TAPT1: variants seen among roughly 807,000 people sequenced by gnomAD.
TAPT1 encodes transmembrane anterior posterior transformation protein 1 homolog.
A neutral mutation model predicts 65.6 loss-of-function variants in TAPT1; 28 were observed. That is an observed-to-expected ratio of 0.43 (90% CI 0.32 to 0.59). The LOEUF (loss-of-function observed/expected upper bound fraction) is 0.59, where lower values mean the gene tolerates loss of function less well. Ranked by LOEUF, TAPT1 falls within the 20% of genes least tolerant of loss-of-function variation. TAPT1 has a pLI of 0.09. For missense variants in TAPT1, 563 were observed against 679.9 expected (o/e 0.83, Z 1.91); for synonymous variants, 278 against 245.2 (o/e 1.13, Z -1.25).
At position 16,182,435 on chromosome 4, in the gene TAPT1, T is replaced by C. The variant is rs28445750; in HGVS notation, c.917-2778A>G. Among the ~76,000 whole-genome samples the C allele has an allele frequency of 3.2e-3, 480 of 152,324 alleles. 3 individuals carry two copies. The highest frequency in any genetic ancestry group is 0.011 in the African/African-American group (450 of 41,576). On this transcript the variant is annotated intron_variant, in intron 7 of 13. Coordinates refer to ENST00000405303, the MANE Select transcript of TAPT1 (RefSeq NM_153365.3). The stretch of plus-strand genomic sequence containing the variant: ...ACCTTTATTAAGAAGCTTAAAAACA[T>C]TGGTATTAATGCTTTTAAAATATTT...
At chr4:16,192,981 T>A (rs1749461487) in intron 3 of TAPT1, among the ~76,000 whole-genome samples, 1 of 152,250 alleles carries the variant, frequency 6.6e-6, no homozygotes, top group South Asian at 2.1e-4. Context: ...AATTTGTAAA[T>A]CTTCCAAACT....
rs1462245867 is a variant in TAPT1, at chr4:16,174,198, A to G, written c.1236+6T>C. On this transcript the variant is annotated splice_donor_region_variant and intron_variant, in intron 11 of 13. Transcript: ENST00000405303. ...TTACAAAAAACATTAAAAAGTATGC[A>G]CTTACTAAAACAGCTAGTGGGAGAG... 2 of 1,596,828 alleles carry G rather than the reference A, an allele frequency of 1.3e-6. No homozygotes were observed. Among genetic ancestry groups the G allele is most frequent in the Non-Finnish European group, 1.7e-6 (2 of 1,170,424 alleles).
chr4:16,170,853 C>T (rs528823991), intron 11 of TAPT1, 124 bp from the exon 12 acceptor site: 2 of 663,654 alleles, frequency 3.0e-6, no homozygotes, highest in East Asian at 2.8e-5. Context: ...ATATCTATGG[C>T]CTTTGTCTAA....
intron 2 of TAPT1, among the ~76,000 whole-genome samples, chr4:16,208,031 C>T (rs996452559): frequency 3.3e-5 from 5 of 151,972 alleles, no homozygotes; most frequent in African/African-American, 9.7e-5. Context: ...TATATAAACA[C>T]GGAAAAGAAT....
intron 2 of TAPT1, among the ~76,000 whole-genome samples, chr4:16,205,469 T>C (rs1485468764): frequency 6.6e-6 from 1 of 152,172 alleles, no homozygotes; most frequent in Non-Finnish European, 1.5e-5. Context: ...AATACTGCAC[T>C]GGGAGGAAAG....
intron 4 of TAPT1, among the ~76,000 whole-genome samples, 179 bp from the exon 5 acceptor site, chr4:16,188,534 T>C (rs79558820): frequency 2.1e-3 from 325 of 152,296 alleles, no homozygotes; most frequent in Non-Finnish European, 3.2e-3. Flanking sequence ...CTTTAACAAA[T>C]AGTAACGGCT....
At chr4:16,210,449 G>A (rs1041304840) in intron 2 of TAPT1, among the ~76,000 whole-genome samples, 2 of 152,106 alleles carry the variant, frequency 1.3e-5, no homozygotes, top group East Asian at 3.8e-4. Flanking sequence ...GAATGTAATC[G>A]GGGACAAGCA....
intron 5 of TAPT1, among the ~76,000 whole-genome samples, chr4:16,187,389 ATTC>A (rs1487227567): frequency 6.6e-6 from 1 of 152,208 alleles, no homozygotes; most frequent in Non-Finnish European, 1.5e-5. Flanking sequence ...GATAATTAAG[ATTC>A]TTCTTCATAT....
intron 2 of TAPT1, among the ~76,000 whole-genome samples, chr4:16,207,469 G>C (rs1578469434): frequency 6.6e-6 from 1 of 152,174 alleles, no homozygotes; most frequent in African/African-American, 2.4e-5. Flanking sequence ...CCTTCAAAAA[G>C]GCAAAATTAA....
intron 7 of TAPT1, among the ~76,000 whole-genome samples, chr4:16,183,626 G>C (rs1029425980): frequency 6.6e-6 from 1 of 152,180 alleles, no homozygotes; most frequent in East Asian, 1.9e-4. Flanking sequence ...TGCGTGTCTA[G>C]TTTAAGGCTC....
At chr4:16,212,543 CAG>C (rs1750703458) in intron 2 of TAPT1, among the ~76,000 whole-genome samples, 1 of 152,226 alleles carries the variant, frequency 6.6e-6, no homozygotes, top group Non-Finnish European at 1.5e-5. Context: ...ATGTATAAGA[CAG>C]AGCTGTTGCT....
intron 12 of TAPT1, among the ~76,000 whole-genome samples, chr4:16,169,057 G>A (rs1747823514): frequency 6.6e-6 from 1 of 152,214 alleles, no homozygotes; most frequent in Admixed American, 6.5e-5. Context: ...AGAAGGCATG[G>A]ACAAGGTAGT....
chr4:16,177,320 C>T (rs1748395508), intron 8 of TAPT1, among the ~76,000 whole-genome samples: 1 of 152,062 alleles, frequency 6.6e-6, no homozygotes, highest in African/African-American at 2.4e-5. Context: ...CCTGATGAAA[C>T]ACACCTACAG....
intron 4 of TAPT1, chr4:16,191,026 C>T (rs1749342340): frequency 4.8e-6 from 1 of 208,082 alleles, no homozygotes; most frequent in African/African-American, 2.3e-5. Flanking sequence ...TTTGGATACT[C>T]AAGGGGGTAC....
At position 16,188,450 on chromosome 4, in the gene TAPT1, T is replaced by G. The variant is rs28645901; in HGVS notation, c.613-95A>C. The G allele has an allele frequency of 0.39, 396,030 of 1,019,098 alleles. 79,035 individuals carry two copies. The highest frequency in any genetic ancestry group is 0.49 in the Middle Eastern group (1,523 of 3,086). 63.1% of individuals were successfully genotyped at this position (1,019,098 alleles called of 1,614,324 possible). On this transcript the variant is annotated intron_variant, in intron 4 of 13. Transcript: ENST00000405303. ...TAGCTCAAATCCTGGAGATCTGTGTTTTAAATCCTAGTAGAAGGCAAGCTA... is the reference window on the plus strand; with the variant it reads ...TAGCTCAAATCCTGGAGATCTGTGTGTTAAATCCTAGTAGAAGGCAAGCTA...
chr4:16,208,688 AC>A (rs1350672172), intron 2 of TAPT1, among the ~76,000 whole-genome samples: 4 of 152,070 alleles, frequency 2.6e-5, no homozygotes, highest in Non-Finnish European at 5.9e-5. Flanking sequence ...AACAACTGAG[AC>A]CTCTTTTCTT....
chr4:16,167,763 C>G (rs1747735889), intron 12 of TAPT1, among the ~76,000 whole-genome samples: 1 of 152,198 alleles, frequency 6.6e-6, no homozygotes, highest in Non-Finnish European at 1.5e-5. Context: ...TTATATAACA[C>G]TGTATCATGA....
chr4:16,197,464 T>A (rs1749778938), intron 3 of TAPT1, among the ~76,000 whole-genome samples: 1 of 152,336 alleles, frequency 6.6e-6, no homozygotes, highest in Middle Eastern at 3.4e-3. Context: ...CTTACGTGAC[T>A]GAGAATTCTA....
intron 12 of TAPT1, among the ~76,000 whole-genome samples, chr4:16,168,270 G>A (rs936735053): frequency 2.0e-5 from 3 of 151,880 alleles, no homozygotes; most frequent in South Asian, 2.1e-4. Context: ...ATGCCACCAC[G>A]CCCAGCTAAT....
Sources: gnomAD v4.1 joint callset for allele counts (sites outside exome capture counted in the v4.1 genomes callset) on GRCh38, gnomAD v4.1.1 for gene constraint, MANE v1.5 for transcripts, NCBI Gene and HGNC (gene_info 2026-07-23, HGNC 2026-07-21) for gene names.